Variants in RAB2A observed in about 807,000 individuals in gnomAD.
RAB2A encodes RAB2A, member RAS oncogene family.
Under a neutral mutation model 32.5 loss-of-function variants are expected in RAB2A, and 7 were observed. The observed-to-expected ratio is 0.22, with a 90% CI of 0.12 to 0.40. The LOEUF (loss-of-function observed/expected upper bound fraction) is 0.40, where lower values mean the gene tolerates loss of function less well. Ranked by LOEUF, RAB2A falls within the 10% of genes least tolerant of loss-of-function variation. RAB2A has a pLI of 1.00. For missense variants in RAB2A, 108 were observed against 260.7 expected, an observed-to-expected ratio of 0.41 and a Z score of 4.03; for synonymous variants, 79 against 85.2, an observed-to-expected ratio of 0.93 and a Z score of 0.40.
At chr8:60,575,608 G>A (rs960987172) in intron 3 of RAB2A, among the ~76,000 whole-genome samples, 1 of 150,558 alleles carries the variant, frequency 6.6e-6, no homozygotes, top group Non-Finnish European at 1.5e-5. Context: ...TGTTTTATCA[G>A]CCTTATAGAA....
intron 5 of RAB2A, among the ~76,000 whole-genome samples, chr8:60,586,562 G>C (rs1357247102): frequency 5.3e-5 from 8 of 151,940 alleles, no homozygotes; most frequent in Non-Finnish European, 1.2e-4. Flanking sequence ...TAAATGAAGA[G>C]ATATAACCAT....
intron 6 of RAB2A, among the ~76,000 whole-genome samples, chr8:60,605,035 G>A (rs1804201506): frequency 6.6e-6 from 1 of 152,196 alleles, no homozygotes; most frequent in African/African-American, 2.4e-5. Flanking sequence ...GCCTAGGAAG[G>A]AAGAATGGTT....
intron 1 of RAB2A, among the ~76,000 whole-genome samples, chr8:60,527,840 C>T (rs1586062150): frequency 6.6e-6 from 1 of 151,920 alleles, no homozygotes; most frequent in Admixed American, 6.6e-5. Flanking sequence ...TACAGTATAG[C>T]GAGTGTAAAT....
At chr8:60,556,668 A>T (rs1459054100) in intron 1 of RAB2A, among the ~76,000 whole-genome samples, 1 of 151,144 alleles carries the variant, frequency 6.6e-6, no homozygotes, top group South Asian at 2.1e-4. Flanking sequence ...AAAAAGAGGA[A>T]GAAGAAGAAT....
At chr8:60,568,385 A>C (rs747394614) in intron 2 of RAB2A, among the ~76,000 whole-genome samples, 4 of 152,208 alleles carry the variant, frequency 2.6e-5, no homozygotes, top group Non-Finnish European at 5.9e-5. Context: ...ATCATTAGTC[A>C]TGCGGATGGT....
chr8:60,589,563 A>T (rs1291495861), intron 5 of RAB2A, among the ~76,000 whole-genome samples: 2 of 152,220 alleles, frequency 1.3e-5, no homozygotes, highest in African/African-American at 4.8e-5. Context: ...GGAAGCAGAG[A>T]TTTAAAAAAT....
intron 6 of RAB2A, among the ~76,000 whole-genome samples, chr8:60,607,529 G>A (rs1407304817): frequency 1.3e-5 from 2 of 151,324 alleles, no homozygotes; most frequent in East Asian, 3.9e-4. Flanking sequence ...CTCCCACCTC[G>A]GCCTCCCGAA....
intron 1 of RAB2A, among the ~76,000 whole-genome samples, chr8:60,549,597 C>T (rs1807812726): frequency 6.6e-6 from 1 of 150,700 alleles, no homozygotes; most frequent in African/African-American, 2.4e-5. Context: ...GAGTGTCTGT[C>T]TACGTGGAGA....
chr8:60,569,295 GT>G (rs1388887227), intron 2 of RAB2A, among the ~76,000 whole-genome samples: 1 of 150,760 alleles, frequency 6.6e-6, no homozygotes, highest in Non-Finnish European at 1.5e-5. Flanking sequence ...TCTTGTTTCT[GT>G]TTGTTTGTTT....
At chr8:60,548,600 C>T (rs1348804565) in intron 1 of RAB2A, among the ~76,000 whole-genome samples, 3 of 142,076 alleles carry the variant, frequency 2.1e-5, no homozygotes, top group Non-Finnish European at 4.6e-5. Context: ...CAGGCAGAGG[C>T]GCCCCTCACT....
intron 1 of RAB2A, among the ~76,000 whole-genome samples, chr8:60,518,525 AG>A (rs1807248071): frequency 7.5e-6 from 1 of 132,632 alleles, no homozygotes; most frequent in African/African-American, 2.9e-5. Context: ...GCGTCGTGGC[AG>A]GCGCCTGTAA....
chr8:60,618,396 TTAATA>T (rs1257255642), intron 6 of RAB2A, among the ~76,000 whole-genome samples, 179 bp from the exon 7 acceptor site: 5 of 152,208 alleles, frequency 3.3e-5, no homozygotes, highest in African/African-American at 4.8e-5. Context: ...GGCTTGTTTA[TTAATA>T]TAATGTATTA....
At chr8:60,593,856 T>G (rs2130855285) in intron 6 of RAB2A, among the ~76,000 whole-genome samples, 1 of 151,262 alleles carries the variant, frequency 6.6e-6, no homozygotes, top group Non-Finnish European at 1.5e-5. Context: ...CAGAAGAGTC[T>G]TAGCAAACAA....
intron 1 of RAB2A, among the ~76,000 whole-genome samples, chr8:60,549,309 A>G (rs1383172820): frequency 6.6e-6 from 1 of 152,152 alleles, no homozygotes; most frequent in East Asian, 1.9e-4. Flanking sequence ...TGGAGGTTGT[A>G]GCGAGCCGAG....
chr8:60,560,675 T>G (rs1014455637), intron 2 of RAB2A, among the ~76,000 whole-genome samples: 1 of 152,156 alleles, frequency 6.6e-6, no homozygotes, highest in Non-Finnish European at 1.5e-5. Flanking sequence ...CCAGGACAGT[T>G]TTGAATGAGG....
intron 5 of RAB2A, among the ~76,000 whole-genome samples, chr8:60,587,905 G>A (rs1027903759): frequency 6.6e-6 from 1 of 152,144 alleles, no homozygotes; most frequent in Admixed American, 6.5e-5. Flanking sequence ...TTAATAAGAA[G>A]ACATCCACTT....
intron 1 of RAB2A, chr8:60,552,007 T>G (rs988325111): frequency 6.9e-5 from 10 of 143,902 alleles, no homozygotes; most frequent in Non-Finnish European, 1.2e-4. Flanking sequence ...GGGAGTTTTT[T>G]TTTTTTTTTT....
intron 3 of RAB2A, chr8:60,576,383 T>C (rs1803630581): frequency 4.7e-6 from 2 of 421,190 alleles, no homozygotes; most frequent in African/African-American, 2.1e-5. Flanking sequence ...TCTTGCCTTC[T>C]ATTCCTCTTT....
intron 5 of RAB2A, 177 bp from the exon 6 acceptor site, chr8:60,591,681 C>A: frequency 2.3e-6 from 1 of 439,808 alleles, no homozygotes; most frequent in Non-Finnish European, 4.2e-6. Flanking sequence ...TTCTTTGAAA[C>A]TAGACAGTGT....
Sources: gnomAD v4.1 joint callset for allele counts (sites outside exome capture counted in the v4.1 genomes callset) on GRCh38, gnomAD v4.1.1 for gene constraint, MANE v1.5 for transcripts, NCBI Gene and HGNC (gene_info 2026-07-23, HGNC 2026-07-21) for gene names.